NME7: variants seen among roughly 807,000 people sequenced by gnomAD.
The protein encoded by NME7 is nucleoside diphosphate kinase 7.
Under a neutral mutation model 49.1 loss-of-function variants are expected in NME7, and 41 were observed. The observed-to-expected ratio is 0.83, with a 90% confidence interval of 0.65 to 1.08. The LOEUF (loss-of-function observed/expected upper bound fraction) is 1.08. NME7 is among the 50% of genes least tolerant of loss of function. NME7 has a pLI of 0.00. For missense variants in NME7, 423 were observed against 463.4 expected (o/e 0.91, Z 0.80); for synonymous variants, 139 against 150.6 (o/e 0.92, Z 0.56).
chr1:169,203,175 A>G (rs913939061), intron 10 of NME7, among the ~76,000 whole-genome samples: 6 of 152,150 alleles, frequency 3.9e-5, no homozygotes, highest in Non-Finnish European at 8.8e-5. Context: ...GGAACAAAGA[A>G]ATATGGAGTA....
At chr1:169,322,991 G>C (rs1190170527) in intron 3 of NME7, 126 bp downstream of exon 3, 1 of 676,116 alleles carries the variant, frequency 1.5e-6, no homozygotes, top group Admixed American at 4.1e-5. Flanking sequence ...AAAAGAAAAA[G>C]AATGAAGACA....
At chr1:169,210,468 T>C (rs1250928636) in intron 10 of NME7, among the ~76,000 whole-genome samples, 1 of 152,134 alleles carries the variant, frequency 6.6e-6, no homozygotes, top group Non-Finnish European at 1.5e-5. Context: ...TCAGATGTGT[T>C]GGTGCCCCGT....
At chr1:169,223,525 C>A (rs1213971766) in intron 10 of NME7, among the ~76,000 whole-genome samples, 1 of 152,082 alleles carries the variant, frequency 6.6e-6, no homozygotes, top group African/African-American at 2.4e-5. Context: ...CTTAGATGCT[C>A]AAATTGGTTT....
chr1:169,367,649 T>A (rs1653932181), intron 1 of NME7, 59 bp downstream of exon 1: 2 of 1,610,522 alleles, frequency 1.2e-6, no homozygotes, highest in Non-Finnish European at 1.7e-6. Flanking sequence ...GCCCGAAGAC[T>A]TGGAAAGCTA....
chr1:169,321,437 C>T (rs1169934783), intron 3 of NME7, among the ~76,000 whole-genome samples: 1 of 152,154 alleles, frequency 6.6e-6, no homozygotes, highest in Non-Finnish European at 1.5e-5. Flanking sequence ...GTGTCTGGCA[C>T]ATAGTATGTG....
At chr1:169,198,204 A>T (rs1660442539) in intron 10 of NME7, among the ~76,000 whole-genome samples, 1 of 152,110 alleles carries the variant, frequency 6.6e-6, no homozygotes, top group Admixed American at 6.6e-5. Flanking sequence ...TCATACTAAC[A>T]TATACTGGTG....
intron 11 of NME7, among the ~76,000 whole-genome samples, chr1:169,139,804 C>G (rs901871480): frequency 2.6e-5 from 4 of 152,146 alleles, no homozygotes; most frequent in African/African-American, 9.7e-5. Context: ...CATAATTATT[C>G]AAGTCATGAA....
intron 1 of NME7, among the ~76,000 whole-genome samples, chr1:169,340,830 T>C (rs776197640): frequency 2.6e-5 from 4 of 152,216 alleles, no homozygotes; most frequent in Admixed American, 6.5e-5. Flanking sequence ...TTAGGGTATC[T>C]GGCAGAAGAA....
At chr1:169,193,814 TTTA>T (rs1557982362) in intron 10 of NME7, among the ~76,000 whole-genome samples, 1 of 152,012 alleles carries the variant, frequency 6.6e-6, no homozygotes, top group Admixed American at 6.6e-5. Flanking sequence ...AACGAACATA[TTTA>T]TTCTAAGAAT....
At chr1:169,276,636 C>A (rs1172260663) in intron 7 of NME7, among the ~76,000 whole-genome samples, 1 of 132,562 alleles carries the variant, frequency 7.5e-6, no homozygotes, top group African/African-American at 2.5e-5. Flanking sequence ...TTCAAAAAAC[C>A]AGCTCCTGGA....
At chr1:169,172,346 GTGTGTGTGTA>G (rs112932840) in intron 10 of NME7, among the ~76,000 whole-genome samples, 1,522 of 66,838 alleles carry the variant, frequency 0.023, 14 homozygotes, top group African/African-American at 0.038. Flanking sequence ...GTGTGTGTGT[GTGTGTGTGTA>G]TGTGTATGTG....
Position 169,178,981 on chromosome 1 carries a change from C to T in NME7, c.991-9427G>A, listed in dbSNP as rs188806577. Among the ~76,000 whole-genome samples the T allele has an allele frequency of 4.1e-4, 62 of 151,982 alleles. No individual in the cohort carries two copies. The East Asian group carries it at 0.011, about 27-fold the overall frequency. On this transcript the variant is annotated intron_variant, in intron 10 of 11. Coordinates refer to ENST00000367811, the MANE Select transcript of NME7 (RefSeq NM_013330.5). ...GATTACAGGCATGTGCCACCACACC[C>T]GGCTAATTTTTGTATTTTTAGTAGA... is the stretch of plus-strand genomic sequence containing the variant.
chr1:169,350,145 T>G (rs548744324), intron 1 of NME7, among the ~76,000 whole-genome samples: 1 of 138,466 alleles, frequency 7.2e-6, no homozygotes, highest in East Asian at 2.1e-4. Context: ...TGACCCAAGA[T>G]CGTGCCAAGA....
chr1:169,228,683 C>CAAA (rs747705690), intron 10 of NME7, among the ~76,000 whole-genome samples: 26 of 90,348 alleles, frequency 2.9e-4, no homozygotes, highest in African/African-American at 9.8e-4. Flanking sequence ...GACTCCGTCT[C>CAAA]AAAAAAAAAA....
intron 11 of NME7, among the ~76,000 whole-genome samples, chr1:169,149,445 T>G (rs1259999542): frequency 2.0e-5 from 3 of 152,212 alleles, no homozygotes; most frequent in African/African-American, 7.2e-5. Flanking sequence ...GTTATTACAG[T>G]ATTTCCCCCT....
At chr1:169,338,247 C>T (rs2101957523) in intron 1 of NME7, among the ~76,000 whole-genome samples, 1 of 152,270 alleles carries the variant, frequency 6.6e-6, no homozygotes, top group Non-Finnish European at 1.5e-5. Context: ...CAGAATTCCA[C>T]ATATTTCCAA....
chr1:169,236,464 T>C (rs12751062), intron 8 of NME7, among the ~76,000 whole-genome samples: 57,282 of 151,948 alleles, frequency 0.38, 11,512 homozygotes, highest in East Asian at 0.79. Context: ...TTTTTTTCAT[T>C]AGTACAAACT....
chr1:169,301,306 A>G (rs977396261), intron 5 of NME7, among the ~76,000 whole-genome samples: 2 of 152,220 alleles, frequency 1.3e-5, no homozygotes, highest in Admixed American at 1.3e-4. Flanking sequence ...CAAGCAGCCA[A>G]TAAGCATACG....
intron 1 of NME7, among the ~76,000 whole-genome samples, chr1:169,365,731 G>T (rs1334048952): frequency 2.0e-5 from 3 of 152,114 alleles, no homozygotes; most frequent in Admixed American, 1.3e-4. Context: ...CCTTCTTGTG[G>T]CAGAGAAAAT....
Sources: allele counts gnomAD v4.1 joint callset (sites outside exome capture counted in the v4.1 genomes callset), GRCh38; gene constraint gnomAD v4.1.1; transcripts MANE v1.5; gene names NCBI Gene and HGNC (gene_info 2026-07-23, HGNC 2026-07-21).